ZMYM1: variants seen among roughly 807,000 people sequenced by gnomAD.
ZMYM1 encodes zinc finger MYM-type protein 1.
Under a neutral mutation model 60.0 loss-of-function variants are expected in ZMYM1, and 39 were observed. The observed-to-expected ratio is 0.65, with a 90% CI of 0.50 to 0.85. The LOEUF (loss-of-function observed/expected upper bound fraction) is 0.85. Among genes scored for constraint, ZMYM1 ranks in the 40% least tolerant of loss-of-function variants. ZMYM1 has a pLI of 0.00. For missense variants in ZMYM1, 1,171 were observed against 1,309.5 expected (o/e 0.89, Z 1.63); for synonymous variants, 413 against 454.0 (o/e 0.91, Z 1.15).
chr1:35,092,717 T>C (rs1643098601), intron 1 of ZMYM1, among the ~76,000 whole-genome samples: 2 of 151,998 alleles, frequency 1.3e-5, no homozygotes, highest in African/African-American at 4.8e-5. Context: ...AACCTCTGCC[T>C]CCCGGGTTCA....
intron 6 of ZMYM1, among the ~76,000 whole-genome samples, chr1:35,105,109 A>ATTTAT (rs141549474): frequency 0.032 from 4,067 of 128,470 alleles, 225 homozygotes; most frequent in African/African-American, 0.11. Flanking sequence ...ATTTTTATGT[A>ATTTAT]TTTATTTTAT....
At chr1:35,086,268 T>C (rs1402098452) in intron 1 of ZMYM1, among the ~76,000 whole-genome samples, 1 of 152,126 alleles carries the variant, frequency 6.6e-6, no homozygotes, top group Non-Finnish European at 1.5e-5. Flanking sequence ...AATTTTAAGG[T>C]TTTTTCCCAA....
At chr1:35,074,231 T>C (rs1308502213) in intron 1 of ZMYM1, among the ~76,000 whole-genome samples, 1 of 152,214 alleles carries the variant, frequency 6.6e-6, no homozygotes, top group Non-Finnish European at 1.5e-5. Flanking sequence ...AAAAAGATAC[T>C]TGCTATGATC....
At chr1:35,069,488 C>T (rs559054476) in intron 1 of ZMYM1, among the ~76,000 whole-genome samples, 1 of 152,150 alleles carries the variant, frequency 6.6e-6, no homozygotes, top group South Asian at 2.1e-4. Flanking sequence ...GGATATTAAC[C>T]TTTTGTCAGA....
At chr1:35,067,316 C>A (rs1028484238) in intron 1 of ZMYM1, among the ~76,000 whole-genome samples, 1 of 151,982 alleles carries the variant, frequency 6.6e-6, no homozygotes, top group African/African-American at 2.4e-5. Flanking sequence ...AGCTCAAGGT[C>A]TCCTTCTGTT....
At chr1:35,094,598 T>C (rs892995247) in intron 2 of ZMYM1, among the ~76,000 whole-genome samples, 1 of 152,208 alleles carries the variant, frequency 6.6e-6, no homozygotes, top group Non-Finnish European at 1.5e-5. Flanking sequence ...CTCACACCTG[T>C]AATCCCAGAA....
intron 7 of ZMYM1, among the ~76,000 whole-genome samples, chr1:35,110,808 C>G (rs1390653876): frequency 6.6e-6 from 1 of 151,948 alleles, no homozygotes; most frequent in Non-Finnish European, 1.5e-5. Flanking sequence ...TTGGTGGGTC[C>G]CTGTAGTCCC....
chr1:35,063,582 C>T lies in ZMYM1; in HGVS notation c.-301+3657C>T, dbSNP rs544769390. Among the ~76,000 whole-genome samples, 71 of 152,248 alleles carry T rather than the reference C, an allele frequency of 4.7e-4. 1 individual carries two copies. Among genetic ancestry groups the T allele is most frequent in the Middle Eastern group, 3.4e-3 (1 of 294 alleles). Reference sequence around the variant, plus strand: ...CCTCCTAAGTAACTGGGATTACAGGCACAAGCCACTGAACCTAGCTTCTAT... The same window carrying T: ...CCTCCTAAGTAACTGGGATTACAGGTACAAGCCACTGAACCTAGCTTCTAT... On this transcript the variant is annotated intron_variant, in intron 1 of 10. Transcript: ENST00000417119.
rs748860523 is a variant in ZMYM1, at chr1:35,097,391, A to T, written c.244A>T (p.Thr82Ser). The T allele has an allele frequency of 1.9e-6, 3 of 1,614,118 alleles. No individual in the cohort carries two copies. The highest frequency in any genetic ancestry group is 2.2e-5 in the South Asian group (2 of 91,074). Residue 82 changes from threonine (T) to serine (S), a missense_variant, in exon 4 of 10, where the codon ACC becomes TCC. Physicochemically the swap from Thr to Ser is moderately conservative, Grantham distance 58 (BLOSUM62 1). Transcript: ENST00000359858. Reference sequence around the variant, plus strand: ...GAATAAAATGCTTCCTTCAGTTTCAACCACAGCTATTCAGGTTTCCTGTGC... The same window carrying T: ...GAATAAAATGCTTCCTTCAGTTTCATCCACAGCTATTCAGGTTTCCTGTGC... ...GVNKMLPSVSTTAIQVSCAGC... is the reference protein window; with the variant it reads ...GVNKMLPSVSSTAIQVSCAGC...
Position 35,113,645 on chromosome 1 carries a change from G to T in ZMYM1, c.1815G>T (p.Met605Ile). Residue 605 changes from methionine (M) to isoleucine (I), a missense_variant, in exon 10 of 10, where the codon ATG becomes ATT. Transcript: ENST00000359858. ...AAGGAGAAGAAACATTTCGACTTAT[G>T]AATTCACAAGTTGACTTCTATAACA... ...KDKGEETFRL[M>I]NSQVDFYNST... is the part of the protein sequence containing the mutation. 6.2e-7 allele frequency: 1 copy of T among 1,612,450 alleles called. No individual in the cohort carries two copies. Among genetic ancestry groups the T allele is most frequent in the Non-Finnish European group, 8.5e-7 (1 of 1,179,552 alleles).
At chr1:35,105,465 G>C (rs373700994) in intron 6 of ZMYM1, among the ~76,000 whole-genome samples, 1 of 144,770 alleles carries the variant, frequency 6.9e-6, no homozygotes, top group Admixed American at 6.8e-5. Context: ...ACGGAGTCTC[G>C]CTGTCTTGCC....
chr1:35,075,171 T>A (rs147998773), upstream of ZMYM1, among the ~76,000 whole-genome samples: 205 of 152,316 alleles, frequency 1.3e-3, no homozygotes, highest in African/African-American at 4.6e-3. Flanking sequence ...GTTTTTGACT[T>A]AAGTTCTATT....
At chr1:35,094,820 G>T (rs1643221015) in intron 2 of ZMYM1, among the ~76,000 whole-genome samples, 1 of 152,138 alleles carries the variant, frequency 6.6e-6, no homozygotes, top group African/African-American at 2.4e-5. Context: ...TTGCACTCCA[G>T]CCTGGGTAAC....
At chr1:35,069,669 T>C (rs1199497731) in intron 1 of ZMYM1, among the ~76,000 whole-genome samples, 1 of 152,200 alleles carries the variant, frequency 6.6e-6, no homozygotes, top group Non-Finnish European at 1.5e-5. Flanking sequence ...CCCAGTCCAA[T>C]GTTATTAAGC....
intron 4 of ZMYM1, among the ~76,000 whole-genome samples, chr1:35,100,783 AGTT>A (rs1643604687): frequency 6.6e-6 from 1 of 151,876 alleles, no homozygotes; most frequent in Non-Finnish European, 1.5e-5. Flanking sequence ...TTTATCGGAA[AGTT>A]GTTCCTAATT....
At chr1:35,096,971 G>A (rs569704918) in intron 3 of ZMYM1, among the ~76,000 whole-genome samples, 4 of 152,224 alleles carry the variant, frequency 2.6e-5, no homozygotes, top group South Asian at 2.1e-4. Flanking sequence ...GATTACAGGC[G>A]TTAGCCACCA....
downstream of ZMYM1, among the ~76,000 whole-genome samples, chr1:35,116,066 A>G (rs761745675): frequency 1.3e-5 from 2 of 151,212 alleles, no homozygotes; most frequent in Non-Finnish European, 2.9e-5. Context: ...CCTCATCACT[A>G]CAATTTTTTT....
chr1:35,111,770 A>G lies in ZMYM1; in HGVS notation c.962-2A>G. 1 of 1,562,234 alleles carries G rather than the reference A, an allele frequency of 6.4e-7. No homozygotes were observed. The highest frequency in any genetic ancestry group is 8.7e-7 in the Non-Finnish European group (1 of 1,153,036). ...TATAAGAAATCTTTTTATTGTTGTC[A>G]GTAAGTGTTGTTTCTGTGGTGCATG... On this transcript the variant is annotated splice_acceptor_variant, in intron 7 of 9. Transcript: ENST00000359858. LOFTEE classifies it high-confidence loss of function.
Position 35,084,480 on chromosome 1 carries a change from T to A in ZMYM1, c.-75+5038T>A, listed in dbSNP as rs145343295. 4.4e-4 allele frequency among the ~76,000 whole-genome samples: 67 copies of A among 152,348 alleles called. 1 individual carries two copies. The highest frequency in any genetic ancestry group is 1.4e-3 in the African/African-American group (59 of 41,580). On this transcript the variant is annotated intron_variant, in intron 1 of 9. Coordinates refer to ENST00000359858, the MANE Select transcript of ZMYM1 (RefSeq NM_024772.5). ...GGATAGTAGTAGCAGATGACATTGATCCTGTTGAGGGTTGATTATAGGTCT... is the reference window on the plus strand; with the variant it reads ...GGATAGTAGTAGCAGATGACATTGAACCTGTTGAGGGTTGATTATAGGTCT...
Sources: allele counts gnomAD v4.1 joint callset (sites outside exome capture counted in the v4.1 genomes callset), GRCh38; gene constraint gnomAD v4.1.1; transcripts MANE v1.5; gene names NCBI Gene and HGNC (gene_info 2026-07-23, HGNC 2026-07-21).